SAMD12: variants seen among roughly 807,000 people sequenced by gnomAD.
SAMD12 encodes the protein sterile alpha motif domain-containing protein 12.
SAMD12 carries 9 observed loss-of-function variants against 15.0 expected under a neutral mutation model. The ratio of observed to expected loss-of-function variants is 0.60; its 90% CI spans 0.36 to 1.05. The LOEUF (loss-of-function observed/expected upper bound fraction) is 1.05. Ranked by LOEUF, SAMD12 falls within the 50% of genes least tolerant of loss-of-function variation. The probability of loss-of-function intolerance (pLI) is 0.01; values close to 1 mark genes in which losing one functional copy is unlikely to be tolerated. For missense variants in SAMD12, 230 were observed against 234.2 expected (o/e 0.98, Z 0.12); for synonymous variants, 86 against 90.1 (o/e 0.96, Z 0.25).
At chr8:118,553,989 T>C (rs977140513) in intron 2 of SAMD12, among the ~76,000 whole-genome samples, 9 of 152,106 alleles carry the variant, frequency 5.9e-5, no homozygotes, top group African/African-American at 2.2e-4. Flanking sequence ...TGAGATATCA[T>C]CTCACACCAG....
chr8:118,282,698 C>A (rs1242716765), intron 4 of SAMD12, among the ~76,000 whole-genome samples: 1 of 152,092 alleles, frequency 6.6e-6, no homozygotes, highest in East Asian at 1.9e-4. Flanking sequence ...TGATACCATC[C>A]AGTTGTTCAG....
intron 4 of SAMD12, among the ~76,000 whole-genome samples, chr8:118,238,563 T>C (rs34417257): frequency 0.025 from 3,863 of 152,252 alleles, 63 homozygotes; most frequent in Middle Eastern, 0.044. Context: ...CTCCTTGTGC[T>C]GACTCAGCTG....
At chr8:118,199,384 A>G (rs1819650093) in intron 4 of SAMD12, among the ~76,000 whole-genome samples, 1 of 152,172 alleles carries the variant, frequency 6.6e-6, no homozygotes, top group Non-Finnish European at 1.5e-5. Flanking sequence ...ATCCAGGTTG[A>G]CCTGCTAGGA....
intron 4 of SAMD12, among the ~76,000 whole-genome samples, chr8:118,370,288 A>T (rs1819015796): frequency 6.6e-6 from 1 of 152,146 alleles, no homozygotes; most frequent in Non-Finnish European, 1.5e-5. Context: ...GAAAAAACAG[A>T]TGCTGGTGAG....
At chr8:118,463,918 T>G (rs1025498342) in intron 2 of SAMD12, among the ~76,000 whole-genome samples, 55 of 152,170 alleles carry the variant, frequency 3.6e-4, no homozygotes, top group African/African-American at 1.3e-3. Context: ...AGGGCCTTAA[T>G]TAGATTACTG....
At chr8:118,534,330 T>C (rs1422440939) in intron 2 of SAMD12, among the ~76,000 whole-genome samples, 1 of 152,210 alleles carries the variant, frequency 6.6e-6, no homozygotes, top group Non-Finnish European at 1.5e-5. Flanking sequence ...TCTGATGGGC[T>C]TCCCTTTGTG....
At chr8:118,596,050 T>C (rs1471593676) in intron 1 of SAMD12, among the ~76,000 whole-genome samples, 1 of 152,200 alleles carries the variant, frequency 6.6e-6, no homozygotes, top group East Asian at 1.9e-4. Context: ...CAGTCCCTTA[T>C]GTACTTGTGA....
chr8:118,499,067 G>A (rs139836058), intron 2 of SAMD12, among the ~76,000 whole-genome samples: 1,609 of 152,268 alleles, frequency 0.011, 29 homozygotes, highest in African/African-American at 0.035. Flanking sequence ...ACATCTGTAC[G>A]ACTTAACACA....
exon 5 of SAMD12, chr8:118,197,305 A>ATT: frequency 4.5e-5 from 10 of 220,762 alleles, no homozygotes; most frequent in South Asian, 1.8e-4. Context: ...AATTGCTGTA[A>ATT]TTTTTTTTTT....
intron 2 of SAMD12, among the ~76,000 whole-genome samples, chr8:118,563,915 A>G (rs1826777449): frequency 6.6e-6 from 1 of 152,206 alleles, no homozygotes; most frequent in Non-Finnish European, 1.5e-5. Context: ...TCCTCAACAA[A>G]ATGGCAGAGT....
chr8:118,422,971 C>T (rs1822064780), intron 3 of SAMD12, among the ~76,000 whole-genome samples: 1 of 151,968 alleles, frequency 6.6e-6, no homozygotes, highest in Non-Finnish European at 1.5e-5. Flanking sequence ...TCTTTTTTTC[C>T]TCGACCAGCC....
chr8:118,404,972 AC>A (rs1219784811), intron 3 of SAMD12, among the ~76,000 whole-genome samples: 1 of 152,106 alleles, frequency 6.6e-6, no homozygotes, highest in Admixed American at 6.6e-5. Context: ...TACTAATGGT[AC>A]CCTTATAAGC....
intron 2 of SAMD12, among the ~76,000 whole-genome samples, chr8:118,536,521 G>C (rs941998987): frequency 6.0e-5 from 9 of 150,928 alleles, no homozygotes; most frequent in African/African-American, 2.2e-4. Context: ...TGTACCTTCT[G>C]ATGCGTGTTG....
chr8:118,204,761 G>GA (rs1030246307), intron 4 of SAMD12, among the ~76,000 whole-genome samples: 5 of 151,410 alleles, frequency 3.3e-5, no homozygotes, highest in Non-Finnish European at 7.4e-5. Flanking sequence ...CTCAAAAAAA[G>GA]AAAAAAAGAA....
chr8:118,617,246 G>A (rs1217465403), intron 1 of SAMD12, among the ~76,000 whole-genome samples: 2 of 152,186 alleles, frequency 1.3e-5, no homozygotes, highest in African/African-American at 4.8e-5. Context: ...ATCATTTATG[G>A]GGCTGCAAAG....
chr8:118,508,186 G>T (rs557078246), intron 2 of SAMD12, among the ~76,000 whole-genome samples: 9 of 147,100 alleles, frequency 6.1e-5, no homozygotes, highest in Non-Finnish European at 1.2e-4. Flanking sequence ...GGAATTGAAC[G>T]ATGAGAACAC....
At chr8:118,435,772 A>G (rs1822560586) in intron 3 of SAMD12, among the ~76,000 whole-genome samples, 1 of 152,246 alleles carries the variant, frequency 6.6e-6, no homozygotes, top group Non-Finnish European at 1.5e-5. Context: ...AAAGGTTAAA[A>G]TCATGACTGT....
chr8:118,199,372 C>T (rs973514351), intron 4 of SAMD12, among the ~76,000 whole-genome samples: 1 of 152,182 alleles, frequency 6.6e-6, no homozygotes, highest in African/African-American at 2.4e-5. Context: ...GCGTAAGATC[C>T]TATCCAGGTT....
At chr8:118,355,628 G>A (rs1188253917) in intron 4 of SAMD12, among the ~76,000 whole-genome samples, 4 of 151,990 alleles carry the variant, frequency 2.6e-5, no homozygotes, top group African/African-American at 9.7e-5. Flanking sequence ...TCCAGTCCCA[G>A]AAAAAACTAA....
Sources: gnomAD v4.1 joint callset for allele counts (sites outside exome capture counted in the v4.1 genomes callset) on GRCh38, gnomAD v4.1.1 for gene constraint, MANE v1.5 for transcripts, NCBI Gene and HGNC (gene_info 2026-07-23, HGNC 2026-07-21) for gene names.